Variants in BPIFC observed in about 807,000 individuals in gnomAD.
The protein encoded by BPIFC is BPI fold-containing family C protein.
Under a neutral mutation model 57.6 loss-of-function variants are expected in BPIFC, and 60 were observed. That is an observed-to-expected ratio of 1.04 (90% CI 0.85 to 1.29). The LOEUF is 1.29. BPIFC is among the 50% of genes most tolerant of loss of function. The pLI, the probability that BPIFC is intolerant of heterozygous loss-of-function variation, is 0.00. For missense variants in BPIFC, 581 were observed against 600.5 expected (o/e 0.97, Z 0.34); for synonymous variants, 243 against 224.5 (o/e 1.08, Z -0.74).
At chr22:32,457,222 T>G (rs1222180488) in intron 3 of BPIFC, 41 bp downstream of exon 3, 2 of 1,568,704 alleles carry the variant, frequency 1.3e-6, no homozygotes, top group African/African-American at 2.8e-5. Flanking sequence ...AGACCCCACC[T>G]AGTGGGCCTG....
intron 14 of BPIFC, among the ~76,000 whole-genome samples, chr22:32,418,611 AG>A (rs1933750030): frequency 6.6e-6 from 1 of 152,192 alleles, no homozygotes; most frequent in African/African-American, 2.4e-5. Context: ...TTGAGGGTAG[AG>A]ATTTTATCTG....
intron 13 of BPIFC, among the ~76,000 whole-genome samples, chr22:32,424,714 TTCCTCTTCTTCTTCCTCTTCTTCTTCC>T (rs1933991003): frequency 1.1e-5 from 1 of 93,738 alleles, no homozygotes; most frequent in Admixed American, 1.1e-4. Flanking sequence ...CCTCTTCTTC[TTCCTCTTCTTCTTCCTCTTCTTCTTCC>T]TCTTCTTCTT....
chr22:32,420,316 T>C lies in BPIFC; in HGVS notation c.1218-912A>G, dbSNP rs1165959593. ...CTGGGTGACAGAGCAAGACTCCGTC[T>C]CAAAAAAAAAAAAAAAAAATAGTTT... On this transcript the variant is annotated intron_variant, in intron 13 of 16. Transcript: ENST00000300399. Among the ~76,000 whole-genome samples the C allele has an allele frequency of 4.9e-5, 5 of 102,556 alleles. No individual in the cohort carries two copies. In the South Asian group the frequency reaches 1.3e-3, roughly 27 times the overall value. The allele number at this position is 102,556 out of a possible 152,430, so 67.3% of individuals were successfully genotyped here. A position where few individuals can be genotyped will look rare whatever the true frequency, so the allele number is the denominator to read the frequency against.
At chr22:32,448,022 G>C (rs1030087837) in intron 4 of BPIFC, among the ~76,000 whole-genome samples, 4 of 151,446 alleles carry the variant, frequency 2.6e-5, no homozygotes, top group African/African-American at 7.3e-5. Context: ...AGTGTTTCAC[G>C]AAAGGGGTGA....
chr22:32,436,626 A>G (rs1402406466), intron 9 of BPIFC, among the ~76,000 whole-genome samples: 1 of 152,210 alleles, frequency 6.6e-6, no homozygotes, highest in East Asian at 1.9e-4. Context: ...GTGTAACCCA[A>G]TGAGAACCCT....
intron 2 of BPIFC, among the ~76,000 whole-genome samples, chr22:32,458,687 G>A (rs145910546): frequency 1.3e-5 from 2 of 152,286 alleles, no homozygotes; most frequent in East Asian, 3.9e-4. Flanking sequence ...GGCCATGTGT[G>A]CCTTATGGGT....
At position 32,431,422 on chromosome 22, in the gene BPIFC, C is replaced by A. The variant is rs1569449943; in HGVS notation, c.1150-8G>T. The A allele has an allele frequency of 6.5e-7, 1 of 1,544,664 alleles. No individual in the cohort carries two copies. ...AACACTGGTACTAGCAACCTATAGA[C>A]AATAAAAGCATTTATTATTAAGACG... is the stretch of plus-strand genomic sequence containing the variant. On this transcript the variant is annotated splice_region_variant and splice_polypyrimidine_tract_variant and intron_variant, in intron 12 of 16. Coordinates refer to ENST00000300399, the MANE Select transcript of BPIFC (RefSeq NM_174932.3).
At chr22:32,441,933 C>T (rs901241700) in intron 8 of BPIFC, among the ~76,000 whole-genome samples, 20 of 152,142 alleles carry the variant, frequency 1.3e-4, no homozygotes, top group African/African-American at 3.1e-4. Flanking sequence ...CTCGCATGCA[C>T]GGTTCACAAT....
Position 32,443,164 on chromosome 22 carries a change from T to TG in BPIFC, c.595-434_595-433insC, listed in dbSNP as rs1176741710. ...ACCTGGAATGGTTAGAGCTGGAGCT[T>TG]TTTTTTTTTTTTTTTTTGAGACGAA... is the stretch of plus-strand genomic sequence containing the variant. On this transcript the variant is annotated intron_variant, in intron 7 of 16. Transcript: ENST00000300399. Among the ~76,000 whole-genome samples, 16 of 140,264 alleles carry TG rather than the reference T, an allele frequency of 1.1e-4. 1 individual carries two copies. The East Asian group carries it at 2.8e-3, about 24-fold the overall frequency. The allele number at this position is 140,264 out of a possible 152,430, so 92.0% of individuals were successfully genotyped here. A position where few individuals can be genotyped will look rare whatever the true frequency, so the allele number is the denominator to read the frequency against.
Position 32,419,406 on chromosome 22 carries a change from T to TA in BPIFC, c.1218-3dup. 2.5e-6 allele frequency: 4 copies of TA among 1,612,214 alleles called. No individual in the cohort carries two copies. Among genetic ancestry groups the TA allele is most frequent in the Non-Finnish European group, 3.4e-6 (4 of 1,178,616 alleles). On this transcript the variant is annotated splice_polypyrimidine_tract_variant and splice_region_variant and intron_variant, in intron 13 of 16. Transcript: ENST00000300399. ...GACTCTGGCAAAGCAAGGCGGAATC[T>TA]AAAAGAAAACAAGAAAAGTTTAAAG...
intron 1 of BPIFC, among the ~76,000 whole-genome samples, chr22:32,462,840 A>G (rs1935194378): frequency 6.6e-6 from 1 of 152,220 alleles, no homozygotes; most frequent in African/African-American, 2.4e-5. Flanking sequence ...GTTGTTTAAA[A>G]GTTACTCAAT....
chr22:32,460,979 C>T (rs538001938), intron 2 of BPIFC, among the ~76,000 whole-genome samples: 7 of 152,286 alleles, frequency 4.6e-5, no homozygotes, highest in African/African-American at 1.7e-4. Flanking sequence ...TCATGTATTA[C>T]ACTTCTTTAC....
At chr22:32,418,818 C>T (rs1206769488) in intron 14 of BPIFC, among the ~76,000 whole-genome samples, 1 of 152,020 alleles carries the variant, frequency 6.6e-6, no homozygotes, top group Non-Finnish European at 1.5e-5. Flanking sequence ...AGCTGATCTT[C>T]CTGAAGCTTG....
intron 1 of BPIFC, among the ~76,000 whole-genome samples, chr22:32,463,872 A>C (rs1935209935): frequency 6.6e-6 from 1 of 152,170 alleles, no homozygotes; most frequent in African/African-American, 2.4e-5. Context: ...TAACACCAAC[A>C]AGTTCAACAG....
chr22:32,447,458 A>G, intron 4 of BPIFC, 118 bp from the exon 5 acceptor site: 1 of 1,224,566 alleles, frequency 8.2e-7, no homozygotes, highest in Non-Finnish European at 1.1e-6. Flanking sequence ...ACTCCTACAG[A>G]GAAAAGAACC....
At chr22:32,435,079 T>C (rs1484419464) in intron 10 of BPIFC, among the ~76,000 whole-genome samples, 1 of 152,224 alleles carries the variant, frequency 6.6e-6, no homozygotes, top group Non-Finnish European at 1.5e-5. Context: ...ATTTAAATCT[T>C]TTAATGCCCA....
At chr22:32,433,692 A>G (rs1797311115) in intron 11 of BPIFC, 27 bp downstream of exon 11, 1 of 1,608,804 alleles carries the variant, frequency 6.2e-7, no homozygotes, top group Admixed American at 1.7e-5. Flanking sequence ...CAAATACACT[A>G]TCAAGACTCA....
At chr22:32,424,234 G>A (rs1933931896) in intron 13 of BPIFC, among the ~76,000 whole-genome samples, 1 of 152,212 alleles carries the variant, frequency 6.6e-6, no homozygotes, top group African/African-American at 2.4e-5. Context: ...TAGGTAGCAA[G>A]TGGCAGAGGT....
At chr22:32,453,900 T>C (rs1934967014) in intron 3 of BPIFC, among the ~76,000 whole-genome samples, 1 of 151,820 alleles carries the variant, frequency 6.6e-6, no homozygotes, top group African/African-American at 2.4e-5. Flanking sequence ...CTGGGAAACA[T>C]TGAGATCCTG....
Sources: gnomAD v4.1 joint callset for allele counts (sites outside exome capture counted in the v4.1 genomes callset) on GRCh38, gnomAD v4.1.1 for gene constraint, MANE v1.5 for transcripts, NCBI Gene and HGNC (gene_info 2026-07-23, HGNC 2026-07-21) for gene names.